SLC35F4: variants seen among roughly 807,000 people sequenced by gnomAD.
SLC35F4 encodes chromosome 14 open reading frame 36.
SLC35F4 carries 24 observed loss-of-function variants against 44.2 expected under a neutral mutation model. The ratio of observed to expected loss-of-function variants is 0.54; its 90% CI spans 0.39 to 0.76. SLC35F4 has a LOEUF of 0.76. Ranked by LOEUF, SLC35F4 falls within the 30% of genes least tolerant of loss-of-function variation. SLC35F4 has a pLI of 0.00. For missense variants in SLC35F4, 562 were observed against 586.1 expected (o/e 0.96, Z 0.42); for synonymous variants, 238 against 223.6 (o/e 1.06, Z -0.57).
At chr14:57,978,142 T>C (rs1881272870) in intron 1 of SLC35F4, among the ~76,000 whole-genome samples, 1 of 152,158 alleles carries the variant, frequency 6.6e-6, no homozygotes, top group African/African-American at 2.4e-5. Flanking sequence ...GAGTTCTCTG[T>C]GGGACCAAAA....
intron 1 of SLC35F4, among the ~76,000 whole-genome samples, chr14:57,904,258 G>A (rs913781851): frequency 6.6e-6 from 1 of 152,156 alleles, no homozygotes; most frequent in Non-Finnish European, 1.5e-5. Context: ...TGCATTTATG[G>A]TGGTAGAAGA....
At chr14:57,927,926 G>A (rs1450879973) in intron 1 of SLC35F4, among the ~76,000 whole-genome samples, 5 of 151,852 alleles carry the variant, frequency 3.3e-5, no homozygotes, top group African/African-American at 1.2e-4. Flanking sequence ...TCTTTGTCTG[G>A]ATCTAGATCT....
intron 1 of SLC35F4, among the ~76,000 whole-genome samples, chr14:57,804,380 G>A (rs1337311246): frequency 6.6e-6 from 1 of 152,110 alleles, no homozygotes; most frequent in African/African-American, 2.4e-5. Flanking sequence ...ATACTACAAG[G>A]CTACAGTAAC....
intron 1 of SLC35F4, among the ~76,000 whole-genome samples, chr14:57,628,190 T>A (rs1397509615): frequency 6.6e-6 from 1 of 151,488 alleles, no homozygotes; most frequent in Non-Finnish European, 1.5e-5. Context: ...TACATCTTCC[T>A]ATTTACGAGT....
intron 1 of SLC35F4, among the ~76,000 whole-genome samples, chr14:57,681,758 G>A (rs8008228): frequency 0.15 from 22,393 of 151,982 alleles, 1,889 homozygotes; most frequent in East Asian, 0.29. Flanking sequence ...TTCTGACAAA[G>A]GGCTAATATC....
At chr14:57,965,033 G>A (rs1372818029) in intron 1 of SLC35F4, among the ~76,000 whole-genome samples, 1 of 126,178 alleles carries the variant, frequency 7.9e-6, no homozygotes, top group Non-Finnish European at 1.6e-5. Context: ...AAGGTTTCAC[G>A]ACTCCAAGAG....
At chr14:57,930,781 G>A (rs561492393) in intron 1 of SLC35F4, among the ~76,000 whole-genome samples, 13 of 152,144 alleles carry the variant, frequency 8.5e-5, no homozygotes, top group Non-Finnish European at 1.9e-4. Flanking sequence ...TCAGAGGCAG[G>A]ACAATGTGAG....
At chr14:57,586,375 C>G (rs942589119) in intron 3 of SLC35F4, among the ~76,000 whole-genome samples, 3 of 152,128 alleles carry the variant, frequency 2.0e-5, no homozygotes, top group South Asian at 4.2e-4. Flanking sequence ...CATAAAAACT[C>G]GAGAAGAAAA....
intron 1 of SLC35F4, among the ~76,000 whole-genome samples, chr14:57,610,187 C>T (rs1266870977): frequency 2.6e-5 from 4 of 152,182 alleles, no homozygotes; most frequent in African/African-American, 9.7e-5. Context: ...GACTAAGTTT[C>T]TGCCTCAGTT....
At chr14:57,837,338 G>A (rs1463502147) in intron 1 of SLC35F4, 3 of 152,214 alleles carry the variant, frequency 2.0e-5, no homozygotes, top group African/African-American at 2.4e-5. Context: ...AAGAGCAGAA[G>A]GGAGGTATGA....
At chr14:57,656,605 C>G (rs2073981866) in intron 1 of SLC35F4, among the ~76,000 whole-genome samples, 1 of 152,040 alleles carries the variant, frequency 6.6e-6, no homozygotes, top group Non-Finnish European at 1.5e-5. Flanking sequence ...GATGTAGGTT[C>G]AAATCCCAGC....
chr14:57,610,302 G>A (rs537386028), intron 1 of SLC35F4, among the ~76,000 whole-genome samples: 1 of 152,192 alleles, frequency 6.6e-6, no homozygotes. Context: ...GTGAGAATCT[G>A]TAGGACCCTG....
At chr14:57,796,249 T>C (rs2078051589) in intron 1 of SLC35F4, among the ~76,000 whole-genome samples, 1 of 152,206 alleles carries the variant, frequency 6.6e-6, no homozygotes, top group African/African-American at 2.4e-5. Flanking sequence ...AGTGCTGTGA[T>C]GAACATATGT....
At chr14:57,646,205 C>G (rs1179463302) in intron 1 of SLC35F4, among the ~76,000 whole-genome samples, 1 of 152,138 alleles carries the variant, frequency 6.6e-6, no homozygotes. Context: ...ATGGTACCAG[C>G]TCCTCTTTGT....
intron 1 of SLC35F4, among the ~76,000 whole-genome samples, chr14:57,636,042 G>A (rs535585020): frequency 3.1e-4 from 47 of 152,196 alleles, no homozygotes; most frequent in African/African-American, 1.1e-3. Flanking sequence ...TTTGTATGCT[G>A]TTAATAGGTG....
intron 1 of SLC35F4, among the ~76,000 whole-genome samples, chr14:57,752,978 T>C (rs576228667): frequency 6.6e-6 from 1 of 152,296 alleles, no homozygotes; most frequent in Non-Finnish European, 1.5e-5. Context: ...CTCTCTCTAC[T>C]AACTCTCACA....
intron 1 of SLC35F4, among the ~76,000 whole-genome samples, chr14:57,699,221 T>C (rs2075466709): frequency 6.6e-6 from 1 of 152,174 alleles, no homozygotes. Context: ...TCTGATTTGA[T>C]AGAGAAGTGC....
chr14:57,622,612 T>G (rs1373182482), intron 1 of SLC35F4, among the ~76,000 whole-genome samples: 1 of 90,158 alleles, frequency 1.1e-5, no homozygotes, highest in East Asian at 2.2e-4. Context: ...AGGTGGGAAT[T>G]GAACAATGAG....
intron 1 of SLC35F4, chr14:57,629,756 G>A: frequency 3.6e-6 from 1 of 275,296 alleles, no homozygotes; most frequent in South Asian, 4.1e-5. Flanking sequence ...CAGGAACACA[G>A]GAAGCAGGGA....
Sources: gnomAD v4.1 joint callset for allele counts (sites outside exome capture counted in the v4.1 genomes callset) on GRCh38, gnomAD v4.1.1 for gene constraint, MANE v1.5 for transcripts, NCBI Gene and HGNC (gene_info 2026-07-23, HGNC 2026-07-21) for gene names.